Variants in ADD3 observed in about 807,000 individuals in gnomAD.
ADD3 encodes adducin 3.
A neutral mutation model predicts 80.2 loss-of-function variants in ADD3; 25 were observed. That is an observed-to-expected ratio of 0.31 (90% CI 0.23 to 0.44). The LOEUF (loss-of-function observed/expected upper bound fraction) is 0.44. ADD3 is among the 20% of genes least tolerant of loss of function. The pLI is 1.00. For synonymous variants in ADD3, 284 were observed against 289.6 expected (o/e 0.98, Z 0.20); for missense variants, 829 against 847.5 (o/e 0.98, Z 0.27).
chr10:110,093,932 A>G (rs1847852954), intron 1 of ADD3, among the ~76,000 whole-genome samples: 1 of 152,190 alleles, frequency 6.6e-6, no homozygotes, highest in Non-Finnish European at 1.5e-5. Context: ...ACAGTGGTTG[A>G]CCACAGGTAA....
intron 1 of ADD3, among the ~76,000 whole-genome samples, chr10:110,065,538 C>CTTTTTTTTTTTTTTTT (rs1843804683): frequency 4.3e-4 from 5 of 11,746 alleles, no homozygotes; most frequent in East Asian, 0.011. Context: ...CTCTCTCTCC[C>CTTTTTTTTTTTTTTTT]CTTTTTTTTT....
At chr10:110,054,665 T>C (rs1006235566) in intron 1 of ADD3, among the ~76,000 whole-genome samples, 1 of 149,974 alleles carries the variant, frequency 6.7e-6, no homozygotes, top group African/African-American at 2.5e-5. Flanking sequence ...CAGGCTGCAA[T>C]GCAGTGGCAC....
chr10:110,063,740 TATATATATATATATATA>T (rs1564913827), intron 1 of ADD3, among the ~76,000 whole-genome samples: 22 of 21,966 alleles, frequency 1.0e-3, no homozygotes, highest in African/African-American at 3.4e-3. Flanking sequence ...ATATTCATTA[TATATATATATATATATA>T]TATATATATA....
Position 110,025,204 on chromosome 10 carries a change from A to T in ADD3, c.-30+16905A>T, listed in dbSNP as rs772088904. ...AGCCACCGCACCTGGCTGTCATTTT[A>T]TTAAAACGTTTCCTTTCCTAGCGTC... is the stretch of plus-strand genomic sequence containing the variant. On this transcript the variant is annotated intron_variant, in intron 1 of 14. Coordinates refer to ENST00000356080, the MANE Select transcript of ADD3 (RefSeq NM_016824.5). Among the ~76,000 whole-genome samples the T allele has an allele frequency of 2.0e-5, 3 of 152,138 alleles. No homozygotes were observed. In the East Asian group the frequency reaches 5.8e-4, roughly 29 times the overall value.
At chr10:110,031,906 CTT>C (rs11369505) in intron 1 of ADD3, among the ~76,000 whole-genome samples, 10 of 146,184 alleles carry the variant, frequency 6.8e-5, no homozygotes, top group African/African-American at 2.2e-4. Context: ...TACCTCAATA[CTT>C]TTTTTTTTTT....
chr10:110,062,560 A>G lies in ADD3; in HGVS notation c.-29-38065A>G, dbSNP rs185008622. 3.3e-5 allele frequency among the ~76,000 whole-genome samples: 5 copies of G among 152,326 alleles called. No individual in the cohort carries two copies. The East Asian group carries it at 9.6e-4, about 29-fold the overall frequency. On this transcript the variant is annotated intron_variant, in intron 1 of 14. Transcript: ENST00000356080. The stretch of plus-strand genomic sequence containing the variant: ...TCACCACTGCACTCCTGCCTGGGCA[A>G]CAGAGCAAGACCCTGTCTCAAAAAT...
intron 1 of ADD3, among the ~76,000 whole-genome samples, chr10:110,070,298 G>A (rs1002114487): frequency 2.0e-5 from 3 of 152,034 alleles, no homozygotes; most frequent in East Asian, 1.9e-4. Flanking sequence ...ACAATGTCTC[G>A]TTCATTTCTT....
At chr10:110,117,495 A>G (rs1850885279) in intron 5 of ADD3, 73 bp downstream of exon 5, 1 of 887,446 alleles carries the variant, frequency 1.1e-6, no homozygotes, top group Non-Finnish European at 1.9e-6. Context: ...AGCTTTTAGC[A>G]CAGGACAGAA....
chr10:110,091,588 G>C (rs1182356110), intron 1 of ADD3, among the ~76,000 whole-genome samples: 2 of 152,160 alleles, frequency 1.3e-5, no homozygotes, highest in African/African-American at 4.8e-5. Context: ...ATCATATGCA[G>C]AAGATTGAAA....
At chr10:109,999,047 G>C (rs1280614317) in intron 1 of ADD3, among the ~76,000 whole-genome samples, 1 of 152,112 alleles carries the variant, frequency 6.6e-6, no homozygotes, top group Non-Finnish European at 1.5e-5. Context: ...CATAGCAGGA[G>C]TTCAACAAAT....
rs759909123 is a variant in ADD3, at chr10:110,133,468, C to G, written c.1971C>G (p.Asn657Lys). The change falls in exon 15 of 15, where the codon AAC (asparagine) becomes AAG (lysine). Residue 657 changes from asparagine to lysine, a missense_variant. Asn to Lys is a moderately conservative substitution (Grantham distance 94, BLOSUM62 0). Transcript: ENST00000356080. ...TAAGCACAAGTACAACCATAGAAAA[C>G]ATCGAGATTACTATTAAGTCTCCAG... The part of the protein sequence containing the change: ...SRLSTSTTIE[N>K]IEITIKSPEK... The G allele has an allele frequency of 1.9e-6, 3 of 1,613,848 alleles. No individual in the cohort carries two copies. Among genetic ancestry groups the G allele is most frequent in the East Asian group, 2.2e-5 (1 of 44,848 alleles).
intron 1 of ADD3, among the ~76,000 whole-genome samples, chr10:110,052,245 C>G (rs77206911): frequency 0.011 from 1,715 of 152,274 alleles, 24 homozygotes; most frequent in African/African-American, 0.039. Flanking sequence ...TAGGTACCCC[C>G]TCCCTCTTTA....
chr10:110,053,506 A>G (rs541823927), intron 1 of ADD3, among the ~76,000 whole-genome samples: 1 of 150,442 alleles, frequency 6.6e-6, no homozygotes, highest in East Asian at 1.9e-4. Context: ...ACCCAAGACT[A>G]TTGTTTTTCT....
chr10:110,100,941 A>AG, intron 2 of ADD3, 93 bp downstream of exon 2: 1 of 1,185,822 alleles, frequency 8.4e-7, no homozygotes, highest in Non-Finnish European at 1.1e-6. Context: ...TCAGGTTAAA[A>AG]GAGGGGTGGA....
chr10:110,039,590 A>G (rs1409808676), intron 1 of ADD3, among the ~76,000 whole-genome samples: 1 of 152,242 alleles, frequency 6.6e-6, no homozygotes, highest in Non-Finnish European at 1.5e-5. Context: ...GCAAAACCAT[A>G]AAATACTGTA....
intron 1 of ADD3, among the ~76,000 whole-genome samples, chr10:110,090,130 CT>C (rs1437129970): frequency 6.8e-6 from 1 of 147,546 alleles, no homozygotes; most frequent in African/African-American, 2.7e-5. Context: ...AGAGGTTAGA[CT>C]GATCCTCAGC....
intron 1 of ADD3, chr10:110,076,931 G>A (rs1845437483): frequency 6.6e-6 from 1 of 152,208 alleles, no homozygotes; most frequent in Admixed American, 6.5e-5. Flanking sequence ...CAATATTAAT[G>A]TGCAGTTTGC....
At chr10:110,107,373 C>A (rs997132781) in intron 2 of ADD3, among the ~76,000 whole-genome samples, 1 of 152,088 alleles carries the variant, frequency 6.6e-6, no homozygotes, top group Non-Finnish European at 1.5e-5. Flanking sequence ...GAAGTCAATA[C>A]TTCCATTGGA....
intron 1 of ADD3, among the ~76,000 whole-genome samples, chr10:110,055,585 G>A (rs973256737): frequency 2.6e-5 from 4 of 151,804 alleles, no homozygotes; most frequent in Non-Finnish European, 5.9e-5. Flanking sequence ...AAACAAAAAT[G>A]GATAAAGTAT....
Sources: allele counts gnomAD v4.1 joint callset (sites outside exome capture counted in the v4.1 genomes callset), GRCh38; gene constraint gnomAD v4.1.1; transcripts MANE v1.5; gene names NCBI Gene and HGNC (gene_info 2026-07-23, HGNC 2026-07-21).